DNAAF9: variants seen among roughly 807,000 people sequenced by gnomAD.
DNAAF9 encodes dynein axonemal assembly factor 9, also known as shulin.
DNAAF9 carries 90 observed loss-of-function variants against 167.0 expected under a neutral mutation model. That is an observed-to-expected ratio of 0.54 (90% confidence interval 0.45 to 0.64). The LOEUF is 0.64. DNAAF9 is among the 30% of genes least tolerant of loss of function. DNAAF9 has a pLI of 0.00. For missense variants in DNAAF9, 1,315 were observed against 1,442.2 expected (o/e 0.91, Z 1.43); for synonymous variants, 491 against 508.8 (o/e 0.96, Z 0.47).
chr20:3,389,963 A>G lies in DNAAF9; in HGVS notation c.84-7457T>C, dbSNP rs549577792. Reference sequence around the variant, plus strand: ...AGGCAGGAGAATCACTGGAACCTGGAAGGCAGAGGCTGCAGTGAGCCAAGA... The same window carrying G: ...AGGCAGGAGAATCACTGGAACCTGGGAGGCAGAGGCTGCAGTGAGCCAAGA... On this transcript the variant is annotated intron_variant, in intron 1 of 36. Coordinates refer to ENST00000252032, the MANE Select transcript of DNAAF9 (RefSeq NM_001009984.3). 3.3e-5 allele frequency among the ~76,000 whole-genome samples: 5 copies of G among 151,960 alleles called. No individual in the cohort carries two copies. The South Asian group carries it at 8.3e-4, about 25-fold the overall frequency.
At chr20:3,291,533 C>T (rs1202289508) in intron 25 of DNAAF9, among the ~76,000 whole-genome samples, 3 of 151,824 alleles carry the variant, frequency 2.0e-5, no homozygotes, top group Non-Finnish European at 2.9e-5. Flanking sequence ...TTAGTAGAGA[C>T]GGGGCTTCAC....
chr20:3,368,753 C>T (rs1032025998), intron 6 of DNAAF9, among the ~76,000 whole-genome samples: 4 of 152,024 alleles, frequency 2.6e-5, no homozygotes, highest in Admixed American at 6.5e-5. Flanking sequence ...CTCCTGACCT[C>T]GTGATCCCTC....
intron 7 of DNAAF9, among the ~76,000 whole-genome samples, chr20:3,358,100 A>AT (rs954318044): frequency 3.3e-5 from 5 of 150,560 alleles, no homozygotes; most frequent in African/African-American, 9.7e-5. Context: ...ATGTTGCTTC[A>AT]TTTTTTTTTC....
intron 28 of DNAAF9, 101 bp from the exon 29 acceptor site, chr20:3,279,050 C>T: frequency 1.2e-6 from 1 of 842,868 alleles, no homozygotes; most frequent in Non-Finnish European, 2.0e-6. Flanking sequence ...AGCAAATTGA[C>T]TCACATGATG....
In DNAAF9 at chr20:3,322,198, C is replaced by CCATG; in HGVS notation, c.1356+15_1356+18dup. 6.3e-7 allele frequency: 1 copy of CCATG among 1,597,944 alleles called. No homozygotes were observed. Among genetic ancestry groups the CCATG allele is most frequent in the Non-Finnish European group, 8.6e-7 (1 of 1,168,098 alleles). On this transcript the variant is annotated intron_variant, in intron 16 of 36. Transcript: ENST00000252032. ...TACAGGCCATTCCCAGCCAGCTGAC[C>CCATG]CATGATAGCTCTGCTTACCGTCTTC...
chr20:3,263,646 T>C (rs1466502831), intron 31 of DNAAF9, among the ~76,000 whole-genome samples: 1 of 152,260 alleles, frequency 6.6e-6, no homozygotes, highest in East Asian at 1.9e-4. Context: ...TTGGTGTAAA[T>C]GAGACAACAC....
chr20:3,308,626 G>A (rs1176525168), intron 20 of DNAAF9, among the ~76,000 whole-genome samples: 2 of 151,776 alleles, frequency 1.3e-5, no homozygotes, highest in Non-Finnish European at 1.5e-5. Context: ...TTACAGGTGT[G>A]AGCCACCGTG....
chr20:3,387,730 C>T (rs953306433), intron 1 of DNAAF9, among the ~76,000 whole-genome samples: 5 of 151,526 alleles, frequency 3.3e-5, no homozygotes, highest in Non-Finnish European at 7.4e-5. Flanking sequence ...ACAACCATCA[C>T]CAAAAATTCC....
chr20:3,287,400 T>G (rs1490996748), intron 27 of DNAAF9, among the ~76,000 whole-genome samples: 1 of 152,184 alleles, frequency 6.6e-6, no homozygotes, highest in Non-Finnish European at 1.5e-5. Context: ...CCCCACCTTG[T>G]GGGGATATGA....
intron 29 of DNAAF9, among the ~76,000 whole-genome samples, chr20:3,271,565 C>T (rs912496487): frequency 2.0e-5 from 3 of 151,838 alleles, no homozygotes; most frequent in Non-Finnish European, 4.4e-5. Context: ...ATAATCATAG[C>T]GCATATATAA....
intron 16 of DNAAF9, among the ~76,000 whole-genome samples, chr20:3,319,133 T>A (rs1166067142): frequency 7.6e-5 from 11 of 145,258 alleles, no homozygotes; most frequent in African/African-American, 2.8e-4. Context: ...CATGGTGGCG[T>A]CTGCCTGTGG....
chr20:3,311,195 C>T (rs1245347751), intron 20 of DNAAF9, among the ~76,000 whole-genome samples: 1 of 152,142 alleles, frequency 6.6e-6, no homozygotes, highest in Non-Finnish European at 1.5e-5. Context: ...GGCTGGAGTA[C>T]AGTGGTGAGA....
At chr20:3,255,146 C>A in intron 35 of DNAAF9, 73 bp downstream of exon 35, 3 of 912,768 alleles carry the variant, frequency 3.3e-6, no homozygotes, top group Admixed American at 2.1e-5. Flanking sequence ...CTCAGAGAAT[C>A]CAAAATACAG....
intron 7 of DNAAF9, among the ~76,000 whole-genome samples, chr20:3,353,831 C>T (rs879405323): frequency 2.6e-5 from 4 of 152,032 alleles, no homozygotes; most frequent in Non-Finnish European, 5.9e-5. Context: ...GTGAAAAACG[C>T]AGTGTGCTTT....
rs2069212705 is a variant in DNAAF9 at position 3,302,716 on chromosome 20, T to A, written c.1782+1724A>T. On this transcript the variant is annotated intron_variant, in intron 21 of 36. Transcript: ENST00000252032. ...ACAGAATAGATGATGTTCATTTATA[T>A]AACATTCTAGAAAATGCAAACTAAT... Among the ~76,000 whole-genome samples, 7 of 152,312 alleles carry A rather than the reference T, an allele frequency of 4.6e-5. No homozygotes were observed. The South Asian group carries it at 1.4e-3, about 32-fold the overall frequency.
intron 14 of DNAAF9, among the ~76,000 whole-genome samples, chr20:3,323,802 C>A (rs1330011712): frequency 1.3e-5 from 2 of 152,186 alleles, no homozygotes; most frequent in African/African-American, 4.8e-5. Flanking sequence ...AATGACTATG[C>A]CAGCCATATT....
At chr20:3,339,293 T>C (rs926029442) in intron 10 of DNAAF9, among the ~76,000 whole-genome samples, 4 of 152,242 alleles carry the variant, frequency 2.6e-5, no homozygotes, top group Non-Finnish European at 4.4e-5. Context: ...CTGGTTCTGA[T>C]AGTCGCACTG....
At chr20:3,349,750 A>C (rs1399015052) in intron 7 of DNAAF9, among the ~76,000 whole-genome samples, 3 of 152,138 alleles carry the variant, frequency 2.0e-5, no homozygotes, top group African/African-American at 7.2e-5. Context: ...CTTGAAGGTT[A>C]TCATCAATTA....
rs1244104680 is a variant in DNAAF9, at chr20:3,259,971, T to C, written c.2931A>G (p.Val977=). Reference sequence around the variant, plus strand: ...TCTTCTCCAAGGGACGGCCAAACCATACGCAGATCTGAACCATTAGGGGAT... The same window carrying C: ...TCTTCTCCAAGGGACGGCCAAACCACACGCAGATCTGAACCATTAGGGGAT... The part of the protein sequence containing the change: ...SVYPLMVQIC[V]WFGRPLEKTR... Residue 977 remains valine (V), a synonymous_variant, in exon 32 of 37, where the codon GTA becomes GTG. Transcript: ENST00000252032. 9 of 1,613,160 alleles carry C rather than the reference T, an allele frequency of 5.6e-6. No individual in the cohort carries two copies. The highest frequency in any genetic ancestry group is 1.7e-5 in the Admixed American group (1 of 60,004).
Sources: allele counts gnomAD v4.1 joint callset (sites outside exome capture counted in the v4.1 genomes callset), GRCh38; gene constraint gnomAD v4.1.1; transcripts MANE v1.5; gene names NCBI Gene and HGNC (gene_info 2026-07-23, HGNC 2026-07-21).